The following AKAP19 variants were observed in gnomAD, a reference collection of about 807,000 sequenced individuals.
AKAP19 encodes the protein A-kinase anchoring protein 19.
chr2:190,093,858 G>A, the AKAP19 span, among the ~76,000 whole-genome samples: 1 of 152,202 alleles, frequency 6.6e-6, no homozygotes, highest in Non-Finnish European at 1.5e-5. Context: ...CCACAATCAG[G>A]AAGGTAGAAA....
At chr2:190,059,602 T>A in the AKAP19 span, among the ~76,000 whole-genome samples, 1 of 151,980 alleles carries the variant, frequency 6.6e-6, no homozygotes, top group Non-Finnish European at 1.5e-5. Flanking sequence ...GAATAAAACA[T>A]TTAATTATAA....
chr2:189,995,712 T>C, the AKAP19 span, among the ~76,000 whole-genome samples: 1 of 152,120 alleles, frequency 6.6e-6, no homozygotes, highest in Admixed American at 6.5e-5. Flanking sequence ...TGTTGTTTTA[T>C]AGGTTCTGTG....
the AKAP19 span, among the ~76,000 whole-genome samples, chr2:189,942,990 A>G: frequency 6.6e-6 from 1 of 152,256 alleles, no homozygotes; most frequent in African/African-American, 2.4e-5. Flanking sequence ...AAAAATTTGC[A>G]TGCTGGCCCT....
At chr2:189,880,021 G>A in the AKAP19 span, among the ~76,000 whole-genome samples, 1,849 of 152,288 alleles carry the variant, frequency 0.012, 36 homozygotes, top group African/African-American at 0.039. Context: ...ATCGAAAAAT[G>A]TTAGACCTGT....
the AKAP19 span, among the ~76,000 whole-genome samples, chr2:189,893,949 T>C: frequency 6.6e-6 from 1 of 152,158 alleles, no homozygotes; most frequent in African/African-American, 2.4e-5. Context: ...TATATAAATT[T>C]CCAGACATCA....
chr2:190,166,033 A>G, the AKAP19 span, among the ~76,000 whole-genome samples: 2 of 152,136 alleles, frequency 1.3e-5, no homozygotes, highest in Non-Finnish European at 2.9e-5. Flanking sequence ...CTTGACAGAA[A>G]GATTACTAAA....
chr2:189,972,317 T>C, the AKAP19 span, among the ~76,000 whole-genome samples: 2 of 152,086 alleles, frequency 1.3e-5, no homozygotes, highest in Admixed American at 6.6e-5. Context: ...TTTCTGAGGG[T>C]TCTGTTCGGT....
the AKAP19 span, among the ~76,000 whole-genome samples, chr2:189,999,870 A>G: frequency 2.0e-5 from 3 of 152,228 alleles, no homozygotes; most frequent in Admixed American, 2.0e-4. Context: ...GTTTTTGGAC[A>G]TATGACGTAA....
chr2:189,923,729 C>T, the AKAP19 span: 2 of 1,613,716 alleles, frequency 1.2e-6, no homozygotes, highest in Non-Finnish European at 1.7e-6. Flanking sequence ...ACGTGTACCT[C>T]CTCCTCCTCC....
chr2:190,155,358 A>T, the AKAP19 span, among the ~76,000 whole-genome samples: 699 of 152,334 alleles, frequency 4.6e-3, 8 homozygotes, highest in African/African-American at 0.016. Context: ...GATATCATTA[A>T]AGGAGCCTCT....
chr2:190,179,977 A>G, the AKAP19 span, among the ~76,000 whole-genome samples: 2 of 152,252 alleles, frequency 1.3e-5, no homozygotes, highest in Non-Finnish European at 2.9e-5. This position sits in a 1 kb window ranked among gnomAD's most constrained non-coding sequence, Gnocchi z 6.0. Flanking sequence ...GTGTAACTCA[A>G]TAATGGCCAT....
chr2:190,182,277 T>C, the AKAP19 span, among the ~76,000 whole-genome samples: 2 of 152,176 alleles, frequency 1.3e-5, no homozygotes, highest in South Asian at 2.1e-4. Context: ...ACCTGGCCAA[T>C]AGCGCTCCAA....
At chr2:190,072,151 T>C in the AKAP19 span, among the ~76,000 whole-genome samples, 27 of 152,248 alleles carry the variant, frequency 1.8e-4, no homozygotes, top group African/African-American at 6.5e-4. Flanking sequence ...AGCTAATTAA[T>C]GCAAGTACAG....
the AKAP19 span, among the ~76,000 whole-genome samples, chr2:189,953,157 G>A: frequency 1.3e-5 from 2 of 152,154 alleles, no homozygotes; most frequent in Non-Finnish European, 2.9e-5. Context: ...AATAGGGAAA[G>A]TGGGGACAGG....
At chr2:189,883,022 C>T in the AKAP19 span, among the ~76,000 whole-genome samples, 5 of 151,924 alleles carry the variant, frequency 3.3e-5, no homozygotes, top group African/African-American at 1.2e-4. Flanking sequence ...AATTCCTATT[C>T]CTCCTTAAAA....
At chr2:189,898,008 G>A in the AKAP19 span, among the ~76,000 whole-genome samples, 2 of 151,976 alleles carry the variant, frequency 1.3e-5, no homozygotes, top group Non-Finnish European at 2.9e-5. Context: ...AGGAGTTTGA[G>A]ACCAGCCAGG....
At chr2:190,199,990 G>T in the AKAP19 span, 3 of 1,613,984 alleles carry the variant, frequency 1.9e-6, no homozygotes, top group Admixed American at 1.7e-5. Flanking sequence ...TCCAGTTAAT[G>T]TCAAAGAGGA....
chr2:190,174,659 G>A, the AKAP19 span, among the ~76,000 whole-genome samples: 2 of 152,012 alleles, frequency 1.3e-5, no homozygotes, highest in African/African-American at 4.8e-5. Flanking sequence ...TATGCCCTAA[G>A]TAAAAAAAAC....
chr2:189,922,833 T>C, the AKAP19 span, among the ~76,000 whole-genome samples: 1 of 152,192 alleles, frequency 6.6e-6, no homozygotes, highest in Admixed American at 6.5e-5. Context: ...CATGATGTAC[T>C]TTATGGGGCA....
Sources: allele counts gnomAD v4.1 joint callset (sites outside exome capture counted in the v4.1 genomes callset), GRCh38; gene constraint gnomAD v4.1.1; non-coding constraint Gnocchi (gnomAD v3.1); transcripts MANE v1.5; gene names NCBI Gene and HGNC (gene_info 2026-07-23, HGNC 2026-07-21).